ABCA9: variants seen among roughly 807,000 people sequenced by gnomAD.
ABCA9 encodes the protein ATP binding cassette subfamily A member 9, also known as ATP-binding cassette sub-family A member 9.
Under a neutral mutation model 205.3 loss-of-function variants are expected in ABCA9, and 183 were observed. That is an observed-to-expected ratio of 0.89 (90% confidence interval 0.79 to 1.01). ABCA9 has a LOEUF of 1.01. Among genes scored for constraint, ABCA9 ranks in the 50% least tolerant of loss-of-function variants. The pLI is 0.00. For missense variants in ABCA9, 1,805 were observed against 1,912.4 expected (o/e 0.94, Z 1.05); for synonymous variants, 651 against 683.3 (o/e 0.95, Z 0.74).
intron 3 of ABCA9, among the ~76,000 whole-genome samples, chr17:69,046,921 A>C (rs1301532190): frequency 1.6e-5 from 2 of 121,828 alleles, no homozygotes; most frequent in Non-Finnish European, 3.6e-5. Flanking sequence ...ATAAAATTTT[A>C]TATATATAGA....
intron 36 of ABCA9, 88 bp from the exon 37 acceptor site, chr17:68,982,729 G>T: frequency 9.3e-7 from 1 of 1,079,462 alleles, no homozygotes; most frequent in Non-Finnish European, 1.4e-6. Flanking sequence ...ACAAGGCTAG[G>T]CATGGTGGCC....
the ABCA9 span, among the ~76,000 whole-genome samples, chr17:69,068,816 G>T: frequency 6.6e-6 from 1 of 152,132 alleles, no homozygotes; most frequent in Non-Finnish European, 1.5e-5. Flanking sequence ...GCAAACTAAT[G>T]ATGATAATGA....
intron 1 of ABCA9, among the ~76,000 whole-genome samples, chr17:69,052,673 AC>A (rs1191118376): frequency 6.6e-6 from 1 of 152,166 alleles, no homozygotes; most frequent in Admixed American, 6.5e-5. Context: ...CAACTGGGTG[AC>A]CTAAAATTCA....
At position 68,986,321 on chromosome 17, in the gene ABCA9, T is replaced by C; in HGVS notation, c.4051A>G (p.Ile1351Val). ...TCCCCTCCACCGCTCCCTTTCAAAA[T>C]CACCTATGCAAAATAAGTTCATTCT... ...GDTKPTAGQV[I>V]LKGSGGGEPL... The change falls in exon 32 of 39, where the codon ATT becomes GTT. Residue 1351 changes from isoleucine (I) to valine (V), a missense_variant. Coordinates refer to ENST00000340001, the MANE Select transcript of ABCA9 (RefSeq NM_080283.4). The C allele has an allele frequency of 6.2e-7, 1 of 1,605,656 alleles. No individual in the cohort carries two copies. The highest frequency in any genetic ancestry group is 1.3e-5 in the African/African-American group (1 of 74,688).
intron 10 of ABCA9, 86 bp downstream of exon 10, chr17:69,032,022 G>T: frequency 7.4e-7 from 1 of 1,342,970 alleles, no homozygotes; most frequent in Non-Finnish European, 1.0e-6. Context: ...GGCACAGAAG[G>T]CGATCTTTGC....
At position 69,037,627 on chromosome 17, in the gene ABCA9, T is replaced by C. The variant is rs1013843071; in HGVS notation, c.801-1826A>G. ...AGGAGAAAACGGGAAAGGTCTAAAA[T>C]TGATACCCTAACATCACAATTAAAA... On this transcript the variant is annotated intron_variant, in intron 6 of 38. Transcript: ENST00000340001. Among the ~76,000 whole-genome samples the C allele has an allele frequency of 1.2e-4, 18 of 152,204 alleles. No homozygotes were observed. The South Asian group carries it at 1.7e-3, about 14-fold the overall frequency.
chr17:69,067,279 A>G, the ABCA9 span, among the ~76,000 whole-genome samples: 1 of 152,040 alleles, frequency 6.6e-6, no homozygotes, highest in Non-Finnish European at 1.5e-5. Context: ...AAAGAAAGTC[A>G]TTGTGCCCTG....
At chr17:69,008,519 T>C (rs2070249939) in intron 23 of ABCA9, among the ~76,000 whole-genome samples, 1 of 152,228 alleles carries the variant, frequency 6.6e-6, no homozygotes, top group Non-Finnish European at 1.5e-5. Flanking sequence ...ACATCTTTTC[T>C]TTGCAAGACT....
At chr17:69,010,776 G>T (rs926505683) in intron 23 of ABCA9, among the ~76,000 whole-genome samples, 1 of 152,088 alleles carries the variant, frequency 6.6e-6, no homozygotes, top group Non-Finnish European at 1.5e-5. Flanking sequence ...GAACTTAAAA[G>T]AATTTCCAAT....
intron 34 of ABCA9, 128 bp downstream of exon 34, chr17:68,984,757 T>A (rs1276869002): frequency 8.2e-7 from 1 of 1,225,304 alleles, no homozygotes. Flanking sequence ...AATCAGATAA[T>A]TTTTTTTCCT....
At chr17:68,992,984 T>G (rs2069503867) in intron 27 of ABCA9, 32 bp downstream of exon 27, 2 of 1,541,992 alleles carry the variant, frequency 1.3e-6, no homozygotes, top group Non-Finnish European at 1.8e-6. Context: ...TGTTCCCTCA[T>G]GCAAGAATGT....
the ABCA9 span, among the ~76,000 whole-genome samples, chr17:69,067,273 A>G: frequency 6.6e-6 from 1 of 152,048 alleles, no homozygotes; most frequent in South Asian, 2.1e-4. Context: ...TTTATAAAAG[A>G]AAGTCATTGT....
At chr17:69,077,994 A>G in the ABCA9 span, among the ~76,000 whole-genome samples, 2 of 152,100 alleles carry the variant, frequency 1.3e-5, no homozygotes, top group Admixed American at 6.5e-5. Flanking sequence ...ATCCCATAAA[A>G]CTATTCAAAG....
At chr17:68,983,966 T>C in intron 35 of ABCA9, 90 bp downstream of exon 35, 2 of 1,601,092 alleles carry the variant, frequency 1.2e-6, no homozygotes, top group Non-Finnish European at 1.7e-6. Flanking sequence ...CCATGCTAGC[T>C]CCTCACGATG....
At position 69,017,505 on chromosome 17, in the gene ABCA9, G is replaced by A. The variant is rs922753229; in HGVS notation, c.2901+151C>T. The A allele has an allele frequency of 1.2e-5, 10 of 809,816 alleles. No individual in the cohort carries two copies. The African/African-American group carries it at 1.4e-4, about 11-fold the overall frequency. The allele number at this position is 809,816 out of a possible 1,614,324, so 50.2% of individuals were successfully genotyped here. On this transcript the variant is annotated intron_variant, in intron 21 of 38. Coordinates refer to ENST00000340001, the MANE Select transcript of ABCA9 (RefSeq NM_080283.4). ...ATATTGCCATGCTGAAGGCTATGGG[G>A]AAATAATTGTAGTCCAGCTTCTTCT...
At chr17:68,983,559 GA>G in intron 36 of ABCA9, 149 bp downstream of exon 36, 1 of 1,109,234 alleles carries the variant, frequency 9.0e-7, no homozygotes, top group Non-Finnish European at 1.3e-6. Context: ...CCTCTTGTGT[GA>G]GCCCTTGGAA....
At chr17:68,981,645 T>C (rs1053858481) in intron 37 of ABCA9, among the ~76,000 whole-genome samples, 10 of 151,594 alleles carry the variant, frequency 6.6e-5, no homozygotes, top group African/African-American at 2.4e-4. Flanking sequence ...AGGATGACCA[T>C]CCTGGCCAAC....
intron 25 of ABCA9, among the ~76,000 whole-genome samples, chr17:68,996,485 C>T (rs2069628247): frequency 6.6e-6 from 1 of 152,168 alleles, no homozygotes; most frequent in Non-Finnish European, 1.5e-5. Context: ...TGATGGTCTA[C>T]ATAGGTCTTT....
intron 25 of ABCA9, among the ~76,000 whole-genome samples, chr17:69,000,102 T>C (rs1011157785): frequency 2.1e-4 from 32 of 151,468 alleles, no homozygotes; most frequent in Admixed American, 1.3e-3. Flanking sequence ...TGGTAGTTTC[T>C]TTTGCTGTGC....
Sources: gnomAD v4.1 joint callset for allele counts (sites outside exome capture counted in the v4.1 genomes callset) on GRCh38, gnomAD v4.1.1 for gene constraint, MANE v1.5 for transcripts, NCBI Gene and HGNC (gene_info 2026-07-23, HGNC 2026-07-21) for gene names.